The following AARS2 variants were observed in gnomAD, a reference collection of about 807,000 sequenced individuals.
AARS2 encodes the protein alanine--tRNA ligase, mitochondrial.
A neutral mutation model predicts 119.7 loss-of-function variants in AARS2; 78 were observed. The ratio of observed to expected loss-of-function variants is 0.65; its 90% confidence interval spans 0.54 to 0.79. The LOEUF (loss-of-function observed/expected upper bound fraction) is 0.79, where lower values mean the gene tolerates loss of function less well. Ranked by LOEUF, AARS2 falls within the 30% of genes least tolerant of loss-of-function variation. The pLI is 0.00. For missense variants in AARS2, 1,157 were observed against 1,291.3 expected (o/e 0.90, Z 1.59); for synonymous variants, 502 against 526.3 (o/e 0.95, Z 0.63).
chr6:44,308,188 C>T (rs1436548715), intron 5 of AARS2, among the ~76,000 whole-genome samples: 1 of 152,188 alleles, frequency 6.6e-6, no homozygotes, highest in Non-Finnish European at 1.5e-5. Context: ...TCCTAAGTTT[C>T]TGCTCTCATC....
intron 16 of AARS2, 62 bp from the exon 17 acceptor site, chr6:44,302,972 G>A (rs1037797275): frequency 3.5e-5 from 56 of 1,592,678 alleles, no homozygotes; most frequent in African/African-American, 1.9e-4. Context: ...AGAAGCCAGC[G>A]TGCATCTCCC....
At chr6:44,304,557 T>C (rs1346287723) in intron 12 of AARS2, 24 bp from the exon 13 acceptor site, 4 of 1,613,982 alleles carry the variant, frequency 2.5e-6, no homozygotes, top group Non-Finnish European at 1.7e-6. Context: ...GTGGTCAAGG[T>C]GCCTGTAGCC....
Position 44,305,118 on chromosome 6 carries a change from T to C in AARS2, c.1515A>G (p.Gln505=). The C allele has an allele frequency of 1.2e-6, 2 of 1,614,068 alleles. No individual in the cohort carries two copies. Among genetic ancestry groups the C allele is most frequent in the South Asian group, 1.1e-5 (1 of 91,082 alleles). The change falls in exon 11 of 22, where the codon CAA becomes CAG. Residue 505 remains glutamine, a synonymous_variant. Coordinates refer to ENST00000244571, the MANE Select transcript of AARS2 (RefSeq NM_020745.4). This position sits in a 1 kb window ranked among gnomAD's most constrained non-coding sequence, Gnocchi z 4.6. ...DVHALGELQR[Q]GVPPTDDSPK... is the part of the protein sequence containing the mutation. The stretch of plus-strand genomic sequence containing the variant: ...GGCTGTCGTCAGTTGGGGGCACTCC[T>C]TGGCGCTGCAGCTCCCCAAGCGCAT...
chr6:44,310,701 C>G, intron 4 of AARS2, among the ~76,000 whole-genome samples: 1 of 152,276 alleles, frequency 6.6e-6, no homozygotes, highest in East Asian at 1.9e-4. Flanking sequence ...CATCTTGGGA[C>G]AGAATTCTTT....
chr6:44,304,300 C>T lies in AARS2; in HGVS notation c.1888G>A (p.Ala630Thr). Residue 630 changes from alanine (A) to threonine (T), a missense_variant, in exon 14 of 22, where the codon GCG becomes ACG. By Grantham distance (58) the Ala-to-Thr change is moderately conservative. Transcript: ENST00000244571. Reference protein sequence around the residue: ...VDEAWRLGCMAKHTATHLLNW... With the variant: ...VDEAWRLGCMTKHTATHLLNW... The stretch of plus-strand genomic sequence containing the variant: ...AGCAGGTGGGTGGCCGTATGCTTCG[C>T]CATGCAGCCTAGACGCCAGGCCTGA... The T allele has an allele frequency of 6.2e-7, 1 of 1,614,168 alleles. No individual in the cohort carries two copies. Among genetic ancestry groups the T allele is most frequent in the Non-Finnish European group, 8.5e-7 (1 of 1,180,030 alleles).
chr6:44,306,383 G>A lies in AARS2; in HGVS notation c.1197C>T (p.Asn399=). Residue 399 remains asparagine, a synonymous_variant, in exon 9 of 22, where the codon AAC becomes AAT. Transcript: ENST00000244571. ...ELQRNSAQIA[N]LVSEDEAAFL... ...AGGCTGCCTCGTCCTCTGACACCAG[G>A]TTGGCGATCTGAACCAGGCAGAGAA... 1.2e-6 allele frequency: 2 copies of A among 1,614,090 alleles called. No individual in the cohort carries two copies. Among genetic ancestry groups the A allele is most frequent in the Non-Finnish European group, 8.5e-7 (1 of 1,180,004 alleles).
At position 44,303,347 on chromosome 6, in the gene AARS2, T is replaced by C; in HGVS notation, c.2084A>G (p.Tyr695Cys). 6.2e-7 allele frequency: 1 copy of C among 1,614,048 alleles called. No homozygotes were observed. The highest frequency in any genetic ancestry group is 8.5e-7 in the Non-Finnish European group (1 of 1,180,036). The change falls in exon 15 of 22, where the codon TAC becomes TGC. Residue 695 changes from tyrosine (Y) to cysteine (C), a missense_variant. Physicochemically the swap from Tyr to Cys is radical, Grantham distance 194. Transcript: ENST00000244571. ...QEAVGQDEAV[Y>C]MEEVPLALTA... is the part of the protein sequence containing the mutation. ...GAGCGCCAGGGGCACCTCCTCCATG[T>C]ACACAGCCTCATCCTGCCCCACGGC...
At chr6:44,309,125 A>AT (rs1281758226) in intron 5 of AARS2, among the ~76,000 whole-genome samples, 1 of 152,172 alleles carries the variant, frequency 6.6e-6, no homozygotes, top group Admixed American at 6.5e-5. Context: ...GCTTTGGCCC[A>AT]TAGAATACAG....
intron 5 of AARS2, among the ~76,000 whole-genome samples, chr6:44,308,924 T>C (rs1786109336): frequency 6.6e-6 from 1 of 152,128 alleles, no homozygotes; most frequent in South Asian, 2.1e-4. Flanking sequence ...CTCACCACTC[T>C]GAGAATCAAG....
Position 44,299,130 on chromosome 6 carries a change from G to A in AARS2, c.*1417C>T, listed in dbSNP as rs1438539110. Among the ~76,000 whole-genome samples, 1 of 152,006 alleles carries A rather than the reference G, an allele frequency of 6.6e-6. No homozygotes were observed. The highest frequency in any genetic ancestry group is 2.4e-5 in the African/African-American group (1 of 41,378). On this transcript the variant is annotated 3_prime_UTR_variant, in exon 22 of 22. Transcript: ENST00000244571. ...GAATGCTTTTCCCTGATTTCCACAC[G>A]GGTCACACCCTCACCTCCCAGCTCC...
rs370225988 is a variant in AARS2 at position 44,313,020 on chromosome 6, G to C, written c.243+61C>G. On this transcript the variant is annotated intron_variant, in intron 1 of 21. Transcript: ENST00000244571. ...CTCGCTTCTTTTGCCCAATCCTGCA[G>C]CGTCTTTCTCACCAGAAAACTCACG... The C allele has an allele frequency of 1.1e-4, 177 of 1,604,952 alleles. No homozygotes were observed. The African/African-American group carries it at 2.0e-3, about 18-fold the overall frequency.
At chr6:44,306,446 T>C in intron 8 of AARS2, 48 bp downstream of exon 8, 1 of 1,614,020 alleles carries the variant, frequency 6.2e-7, no homozygotes. Context: ...AGGGTCTCTC[T>C]CCACAACTCT....
Position 44,304,628 on chromosome 6 carries a change from T to G in AARS2, c.1752+17A>C. The G allele has an allele frequency of 4.3e-6, 7 of 1,614,062 alleles. 1 individual carries two copies. Among genetic ancestry groups the G allele is most frequent in the Middle Eastern group, 1.6e-4 (1 of 6,062 alleles). ...TGCCGCCCACAGAAATCAGCCTGGG[T>G]TGTGATGGAGACTCACCTCTTGCCC... is the stretch of plus-strand genomic sequence containing the variant. On this transcript the variant is annotated intron_variant, in intron 12 of 21. Coordinates refer to ENST00000244571, the MANE Select transcript of AARS2 (RefSeq NM_020745.4).
At chr6:44,310,880 C>T in intron 4 of AARS2, 114 bp downstream of exon 4, 2 of 1,363,492 alleles carry the variant, frequency 1.5e-6, no homozygotes, top group Non-Finnish European at 2.1e-6. Flanking sequence ...GTGCCTGACA[C>T]ACGGTAAGCA....
In AARS2 at chr6:44,302,062, G is replaced by A. The variant is rs773742164; in HGVS notation, c.2596C>T (p.Gln866Ter). Residue 866 changes from glutamine (Q) to a stop codon, truncating the protein, a stop_gained and splice_region_variant, in exon 19 of 22, where the codon CAG becomes TAG. Coordinates refer to ENST00000244571, the MANE Select transcript of AARS2 (RefSeq NM_020745.4). LOFTEE classifies it high-confidence loss of function. ...NTAIRKLQMG[Q>*]AAKKTQELLE... ...GGTGCAGCCAAACCTCCTCTCACCT[G>A]TCCCATTTGCAGCTTACGGATGGCA... 6.2e-7 allele frequency: 1 copy of A among 1,613,990 alleles called. No individual in the cohort carries two copies. The highest frequency in any genetic ancestry group is 8.5e-7 in the Non-Finnish European group (1 of 1,179,964).
At chr6:44,311,586 A>C (rs1583060939) in intron 2 of AARS2, 51 bp from the exon 3 acceptor site, 10 of 1,601,064 alleles carry the variant, frequency 6.2e-6, no homozygotes, top group East Asian at 4.5e-5. Flanking sequence ...TGAGAGGGAG[A>C]CCCCACTGAA....
chr6:44,302,545 C>T (rs1483344995), intron 17 of AARS2, 32 bp from the exon 18 acceptor site: 1 of 1,613,548 alleles, frequency 6.2e-7, no homozygotes, highest in East Asian at 2.2e-5. Context: ...GTCAGGATTA[C>T]ATTCATCTCC....
Position 44,301,226 on chromosome 6 carries a change from G to A in AARS2, c.2723C>T (p.Pro908Leu), listed in dbSNP as rs1785325760. The change falls in exon 21 of 22, where the codon CCC becomes CTC. Residue 908 changes from proline to leucine, a missense_variant. Transcript: ENST00000244571. ...GCTGAGTAGGAGCACAGACGTGCTGGGGGCCTGCTCACACAGCTGCCGTAC... is the reference window on the plus strand; with the variant it reads ...GCTGAGTAGGAGCACAGACGTGCTGAGGGCCTGCTCACACAGCTGCCGTAC... The part of the protein sequence containing the change: ...KVVRQLCEQA[P>L]STSVLLLSPQ... The A allele has an allele frequency of 6.2e-7, 1 of 1,613,762 alleles. No homozygotes were observed. The highest frequency in any genetic ancestry group is 8.5e-7 in the Non-Finnish European group (1 of 1,179,984).
intron 5 of AARS2, among the ~76,000 whole-genome samples, chr6:44,308,341 C>G (rs1166614408): frequency 6.6e-6 from 1 of 152,096 alleles, no homozygotes; most frequent in East Asian, 1.9e-4. Context: ...AGTTTGAGAC[C>G]AGCCTGGCCA....
Sources: allele counts gnomAD v4.1 joint callset (sites outside exome capture counted in the v4.1 genomes callset), GRCh38; gene constraint gnomAD v4.1.1; non-coding constraint Gnocchi (gnomAD v3.1); transcripts MANE v1.5; gene names NCBI Gene and HGNC (gene_info 2026-07-23, HGNC 2026-07-21).